CPM: variants seen among roughly 807,000 people sequenced by gnomAD.
CPM encodes the protein carboxypeptidase M, also known as renal carboxypeptidase.
CPM carries 35 observed loss-of-function variants against 46.4 expected under a neutral mutation model. The ratio of observed to expected loss-of-function variants is 0.75; its 90% CI spans 0.58 to 1.00. The LOEUF is 1.00. CPM is among the 50% of genes least tolerant of loss of function. CPM has a pLI of 0.00. For synonymous variants in CPM, 195 were observed against 195.3 expected, an observed-to-expected ratio of 1.00 and a Z score of 0.01; for missense variants, 422 against 530.4, an observed-to-expected ratio of 0.80 and a Z score of 2.01.
intron 1 of CPM, among the ~76,000 whole-genome samples, chr12:68,938,380 C>A (rs1046944316): frequency 6.0e-5 from 9 of 150,866 alleles, no homozygotes; most frequent in Non-Finnish European, 1.3e-4. Context: ...TTCTGGGTGA[C>A]AGAATGAGAC....
At chr12:68,898,674 G>A (rs1157751176) in intron 2 of CPM, among the ~76,000 whole-genome samples, 2 of 152,214 alleles carry the variant, frequency 1.3e-5, no homozygotes, top group Non-Finnish European at 2.9e-5. Context: ...GAGATGAGAT[G>A]ATATACAGTA....
chr12:68,852,550 TTTTTTC>T lies in CPM; in HGVS notation c.*3881_*3886del, dbSNP rs1285499933. 2.8e-5 allele frequency: 4 copies of T among 143,254 alleles called. No individual in the cohort carries two copies. Among genetic ancestry groups the T allele is most frequent in the Admixed American group, 7.0e-5 (1 of 14,288 alleles). The allele number at this position is 143,254 out of a possible 1,614,324, so 8.9% of individuals were successfully genotyped here. A position where few individuals can be genotyped will look rare whatever the true frequency, so the allele number is the denominator to read the frequency against. On this transcript the variant is annotated 3_prime_UTR_variant, in exon 9 of 9. Coordinates refer to ENST00000551568, the MANE Select transcript of CPM (RefSeq NM_198320.5). The stretch of plus-strand genomic sequence containing the variant: ...GGCTTCTGCCTTTTTTCTTTCTTTC[TTTTTTC>T]TTTTTTTTTTTTTGAGACAGAGGTT...
At chr12:68,847,210 A>ATATATATATATATATATATATATG (rs1565756805), downstream of CPM, 8 of 135,128 alleles carry the variant, frequency 5.9e-5, 2 homozygotes, top group African/African-American at 2.5e-4. Context: ...ATATATATAT[A>ATATATATATATATATATATATATG]TACTTTTTTT....
At chr12:68,871,014 G>A (rs1321865101) in intron 4 of CPM, among the ~76,000 whole-genome samples, 3 of 152,170 alleles carry the variant, frequency 2.0e-5, no homozygotes, top group African/African-American at 7.2e-5. Flanking sequence ...GGAATCAAGT[G>A]GTGAGATTTT....
At chr12:68,885,253 G>A (rs1162294626) in intron 3 of CPM, among the ~76,000 whole-genome samples, 1 of 152,102 alleles carries the variant, frequency 6.6e-6, no homozygotes, top group African/African-American at 2.4e-5. Context: ...CCAAGTGTTT[G>A]TTGAATGGTG....
In CPM at chr12:68,870,239, A is replaced by T; in HGVS notation, c.592T>A (p.Tyr198Asn). ...CCTTGAACACCATTATCAAATGGGT[A>T]ACTGGCCACGAGGGCACCACCATGG... is the stretch of plus-strand genomic sequence containing the variant. ...NLHGGALVAS[Y>N]PFDNGVQATG... Residue 198 changes from tyrosine to asparagine, a missense_variant, in exon 5 of 9, where the codon TAC becomes AAC. Physicochemically the swap from Tyr to Asn is moderately radical, Grantham distance 143. Coordinates refer to ENST00000551568, the MANE Select transcript of CPM (RefSeq NM_198320.5). 2 of 1,613,962 alleles carry T rather than the reference A, an allele frequency of 1.2e-6. No individual in the cohort carries two copies. The highest frequency in any genetic ancestry group is 1.7e-6 in the Non-Finnish European group (2 of 1,179,946).
At chr12:68,890,416 G>A (rs73338445) in intron 2 of CPM, among the ~76,000 whole-genome samples, 9,237 of 150,978 alleles carry the variant, frequency 0.061, 383 homozygotes, top group East Asian at 0.14. Context: ...CAGATACTAT[G>A]TGCCAGGCAC....
At position 68,851,822 on chromosome 12, in the gene CPM, CTCTTTAACTAGTCTGGTCA is replaced by C. The variant is rs1228686862; in HGVS notation, c.*4596_*4614del. On this transcript the variant is annotated 3_prime_UTR_variant, in exon 9 of 9. Transcript: ENST00000551568. ...GCTACAGTACTGTGGACTTTCAATGCTCTTTAACTAGTCTGGTCATCATAATTTTCTCCCCCTTCCCCCT... is the reference window on the plus strand; with the variant it reads ...GCTACAGTACTGTGGACTTTCAATGCTCATAATTTTCTCCCCCTTCCCCCT... 1 of 152,166 alleles carries C rather than the reference CTCTTTAACTAGTCTGGTCA, an allele frequency of 6.6e-6. No homozygotes were observed. The highest frequency in any genetic ancestry group is 1.5e-5 in the Non-Finnish European group (1 of 68,038). 9.4% of individuals were successfully genotyped at this position (152,166 alleles called of 1,614,324 possible).
At chr12:68,842,477 T>C in intron 5 of CPM, 1 of 406,574 alleles carries the variant, frequency 2.5e-6, no homozygotes, top group South Asian at 2.0e-5. Context: ...TTATTTTTTA[T>C]ATAAGGTCAC....
chr12:68,875,027 C>T (rs1472318790), intron 3 of CPM, among the ~76,000 whole-genome samples: 1 of 152,062 alleles, frequency 6.6e-6, no homozygotes, highest in Non-Finnish European at 1.5e-5. Context: ...TTAGATTAAG[C>T]AGTCTTGGTA....
chr12:68,923,463 G>C (rs1402180562), intron 2 of CPM, among the ~76,000 whole-genome samples: 1 of 151,884 alleles, frequency 6.6e-6, no homozygotes, highest in Non-Finnish European at 1.5e-5. Context: ...GCTTCAAGTG[G>C]GTCCTTAACA....
intron 5 of CPM, chr12:68,845,930 A>T (rs1450000491): frequency 6.6e-6 from 1 of 152,188 alleles, no homozygotes; most frequent in East Asian, 1.9e-4. Context: ...AGGTCCAGCT[A>T]ACCTTCCCCC....
chr12:68,867,176 C>A, intron 6 of CPM, 128 bp from the exon 7 acceptor site: 1 of 911,696 alleles, frequency 1.1e-6, no homozygotes, highest in Non-Finnish European at 1.7e-6. Context: ...GACATATTAG[C>A]TTGTAAAATC....
chr12:68,861,634 A>G (rs1291576088), intron 7 of CPM, among the ~76,000 whole-genome samples: 2 of 151,718 alleles, frequency 1.3e-5, no homozygotes, highest in East Asian at 3.9e-4. Flanking sequence ...GGTTCAAGCA[A>G]TCTCCTGCCT....
At chr12:68,932,998 G>T in intron 1 of CPM, 144 bp downstream of exon 1, 1 of 623,040 alleles carries the variant, frequency 1.6e-6, no homozygotes, top group Non-Finnish European at 2.7e-6. Flanking sequence ...TCGGGAGTGA[G>T]CCGTGCAACC....
intron 7 of CPM, among the ~76,000 whole-genome samples, chr12:68,864,426 C>T (rs1446652719): frequency 2.0e-5 from 3 of 152,186 alleles, no homozygotes. Flanking sequence ...GCCTAGATGA[C>T]AGAGCGAGAC....
At chr12:68,948,033 T>C (rs912255709) in intron 1 of CPM, among the ~76,000 whole-genome samples, 11 of 152,170 alleles carry the variant, frequency 7.2e-5, no homozygotes, top group African/African-American at 2.4e-4. Flanking sequence ...TTTAAGGACT[T>C]TGAGCTTTGC....
chr12:68,959,463 A>AT (rs1889077380), intron 1 of CPM, among the ~76,000 whole-genome samples: 1 of 152,276 alleles, frequency 6.6e-6, no homozygotes, highest in African/African-American at 2.4e-5. Flanking sequence ...TACGCTGTTA[A>AT]TTCTTCAAAA....
At chr12:68,895,754 T>G (rs922919113) in intron 2 of CPM, among the ~76,000 whole-genome samples, 1 of 152,162 alleles carries the variant, frequency 6.6e-6, no homozygotes, top group Non-Finnish European at 1.5e-5. Context: ...CCGAGGCAGG[T>G]GGATCATTTG....
Sources: allele counts gnomAD v4.1 joint callset (sites outside exome capture counted in the v4.1 genomes callset), GRCh38; gene constraint gnomAD v4.1.1; transcripts MANE v1.5; gene names NCBI Gene and HGNC (gene_info 2026-07-23, HGNC 2026-07-21).